The following JHY variants were observed in gnomAD, a reference collection of about 807,000 sequenced individuals.
The protein encoded by JHY is junctional cadherin complex regulator, also known as jhy protein homolog.
JHY carries 69 observed loss-of-function variants against 78.0 expected under a neutral mutation model. The observed-to-expected ratio is 0.88, with a 90% CI of 0.73 to 1.08. The LOEUF (loss-of-function observed/expected upper bound fraction) is 1.08, where lower values mean the gene tolerates loss of function less well. Among genes scored for constraint, JHY ranks in the 50% least tolerant of loss-of-function variants. JHY has a pLI of 0.00. For missense variants in JHY, 944 were observed against 927.8 expected (o/e 1.02, Z -0.23); for synonymous variants, 368 against 342.6 (o/e 1.07, Z -0.82).
At chr11:122,884,974 ATTT>A (rs11314367) in intron 1 of JHY, among the ~76,000 whole-genome samples, 2 of 131,764 alleles carry the variant, frequency 1.5e-5, no homozygotes. Context: ...AATTTTTTGT[ATTT>A]TTTTTTTTTT....
In JHY at chr11:122,959,253, G is replaced by T; in HGVS notation, c.2145G>T (p.Leu715Phe). The T allele has an allele frequency of 6.2e-7, 1 of 1,613,464 alleles. No individual in the cohort carries two copies. The highest frequency in any genetic ancestry group is 8.5e-7 in the Non-Finnish European group (1 of 1,179,850). Reference protein sequence around the residue: ...KKSAIPRQKALEYAKTIPKPK... With the variant: ...KKSAIPRQKAFEYAKTIPKPK... ...TTTCATCTTTATGCGTTTAGGCTTT[G>T]GAATACGCTAAGACCATCCCCAAAC... The change falls in exon 9 of 9, where the codon TTG becomes TTT. Residue 715 changes from leucine to phenylalanine, a missense_variant. Leu to Phe is a conservative substitution (Grantham distance 22). Coordinates refer to ENST00000227349, the MANE Select transcript of JHY (RefSeq NM_024806.4).
intron 6 of JHY, among the ~76,000 whole-genome samples, chr11:122,954,468 A>AGT (rs1300542951): frequency 6.6e-6 from 1 of 152,250 alleles, no homozygotes; most frequent in East Asian, 1.9e-4. Context: ...TGGTTGATAC[A>AGT]GTGTGTTTAC....
At chr11:122,891,697 A>C (rs1352703993) in intron 2 of JHY, among the ~76,000 whole-genome samples, 1 of 152,148 alleles carries the variant, frequency 6.6e-6, no homozygotes, top group Admixed American at 6.6e-5. Context: ...ATACAATCTC[A>C]TTTATCCTTA....
At chr11:122,932,186 A>G (rs1863650590) in intron 4 of JHY, among the ~76,000 whole-genome samples, 1 of 152,198 alleles carries the variant, frequency 6.6e-6, no homozygotes, top group Admixed American at 6.5e-5. Flanking sequence ...ATTGTAGGGT[A>G]ATAAATCTTC....
Position 122,935,678 on chromosome 11 carries a change from T to C in JHY, c.1634+603T>C, listed in dbSNP as rs1863738534. ...TGTGTTTGGGGGTTGCAAGTAATGTTTGGAGGAAACAAATGATCTTCAACA... is the reference window on the plus strand; with the variant it reads ...TGTGTTTGGGGGTTGCAAGTAATGTCTGGAGGAAACAAATGATCTTCAACA... On this transcript the variant is annotated intron_variant, in intron 5 of 8. Coordinates refer to ENST00000227349, the MANE Select transcript of JHY (RefSeq NM_024806.4). The surrounding 1 kb of genome is among the most constrained non-coding windows in gnomAD (Gnocchi z 4.5). Among the ~76,000 whole-genome samples the C allele has an allele frequency of 6.6e-6, 1 of 152,262 alleles. No homozygotes were observed. Among genetic ancestry groups the C allele is most frequent in the African/African-American group, 2.4e-5 (1 of 41,546 alleles).
chr11:122,958,804 T>G lies in JHY; in HGVS notation c.2140-444T>G, dbSNP rs1864245483. ...AGATCCTAGGAACAAGAATAGCTGG[T>G]ATAATGATGGGAGCTCAAGTGTATG... On this transcript the variant is annotated intron_variant, in intron 8 of 8. Coordinates refer to ENST00000227349, the MANE Select transcript of JHY (RefSeq NM_024806.4). 3.0e-6 allele frequency: 3 copies of G among 984,792 alleles called. No homozygotes were observed. In the South Asian group the frequency reaches 1.4e-4, roughly 46 times the overall value. 61.0% of individuals were successfully genotyped at this position (984,792 alleles called of 1,614,324 possible). A position where few individuals can be genotyped will look rare whatever the true frequency, so the allele number is the denominator to read the frequency against.
intron 5 of JHY, among the ~76,000 whole-genome samples, chr11:122,942,800 T>C (rs1863900494): frequency 1.3e-5 from 2 of 152,240 alleles, no homozygotes; most frequent in Admixed American, 1.3e-4. Flanking sequence ...AAATTATAAA[T>C]GTTCCTCTAA....
In JHY at chr11:122,962,282, G is replaced by A. The variant is rs546093368; in HGVS notation, c.*2837G>A. Among the ~76,000 whole-genome samples, 9 of 144,890 alleles carry A rather than the reference G, an allele frequency of 6.2e-5. No individual in the cohort carries two copies. The South Asian group carries it at 6.6e-4, about 11-fold the overall frequency. The stretch of plus-strand genomic sequence containing the variant: ...TTGGGGAAAATCTGTTTATCTATAC[G>A]TGTGGTGTAAGGACTAGCTTTGGAA... On this transcript the variant is annotated 3_prime_UTR_variant, in exon 9 of 9. Transcript: ENST00000227349.
At chr11:122,909,783 A>G (rs1454366696) in intron 3 of JHY, among the ~76,000 whole-genome samples, 3 of 152,090 alleles carry the variant, frequency 2.0e-5, no homozygotes, top group Non-Finnish European at 2.9e-5. Flanking sequence ...CATCTCAAAA[A>G]AATAAATTAA....
At chr11:122,940,545 G>T (rs925109233) in intron 5 of JHY, among the ~76,000 whole-genome samples, 1 of 152,086 alleles carries the variant, frequency 6.6e-6, no homozygotes, top group Non-Finnish European at 1.5e-5. Context: ...CATATTATTG[G>T]TGATGCTAAG....
chr11:122,907,611 A>C (rs142916179), intron 3 of JHY, among the ~76,000 whole-genome samples: 1,709 of 152,170 alleles, frequency 0.011, 41 homozygotes, highest in African/African-American at 0.036. Context: ...TTGGGAGGCC[A>C]AGGCGGGCAG....
In JHY at chr11:122,959,281, A is replaced by C. The variant is rs1864256831; in HGVS notation, c.2173A>C (p.Lys725Gln). 1.9e-6 allele frequency: 3 copies of C among 1,614,066 alleles called. No individual in the cohort carries two copies. The highest frequency in any genetic ancestry group is 2.5e-6 in the Non-Finnish European group (3 of 1,180,042). ...LEYAKTIPKP[K>Q]PSNLTHQASK... The stretch of plus-strand genomic sequence containing the variant: ...ATACGCTAAGACCATCCCCAAACCC[A>C]AACCATCAAATCTGACTCATCAAGC... The change falls in exon 9 of 9, where the codon AAA becomes CAA. Residue 725 changes from lysine to glutamine, a missense_variant. By Grantham distance (53) the Lys-to-Gln change is moderately conservative. Coordinates refer to ENST00000227349, the MANE Select transcript of JHY (RefSeq NM_024806.4).
chr11:122,929,485 G>A (rs1429224896), intron 4 of JHY, among the ~76,000 whole-genome samples: 2 of 152,150 alleles, frequency 1.3e-5, no homozygotes, highest in Non-Finnish European at 1.5e-5. Context: ...GAGGAACCAT[G>A]ACAGCTCTGG....
At position 122,934,581 on chromosome 11, in the gene JHY, A is replaced by G. The variant is rs763703257; in HGVS notation, c.1140A>G (p.Thr380=). The G allele has an allele frequency of 5.0e-6, 8 of 1,614,016 alleles. No homozygotes were observed. The African/African-American group carries it at 9.3e-5, about 19-fold the overall frequency. ...ACCAGAATGGCCTGAAGTCTTCCACAACGGAAGAGGTGACTGCCAGTCAGG... is the reference window on the plus strand; with the variant it reads ...ACCAGAATGGCCTGAAGTCTTCCACGACGGAAGAGGTGACTGCCAGTCAGG... ...CKHQNGLKSS[T]TEEVTASQGN... The change falls in exon 5 of 9, where the codon ACA becomes ACG. Residue 380 remains threonine, a synonymous_variant. Transcript: ENST00000227349.
chr11:122,892,734 G>A (rs940264601), intron 2 of JHY, among the ~76,000 whole-genome samples: 4 of 152,150 alleles, frequency 2.6e-5, no homozygotes, highest in Non-Finnish European at 4.4e-5. Context: ...GACTTCTAGG[G>A]CTTGAAGAGT....
chr11:122,911,892 C>T lies in JHY; in HGVS notation c.864+7448C>T, dbSNP rs147140707. 4.9e-3 allele frequency among the ~76,000 whole-genome samples: 436 copies of T among 88,612 alleles called. 2 individuals carry two copies. In the Middle Eastern group the frequency reaches 0.071, roughly 15 times the overall value. 58.1% of individuals were successfully genotyped at this position (88,612 alleles called of 152,430 possible). ...TACACTCCAGCCAGGGCAAGAAGAGCGAAACTCTGTCTCAAAAAAAAAAAA... is the reference window on the plus strand; with the variant it reads ...TACACTCCAGCCAGGGCAAGAAGAGTGAAACTCTGTCTCAAAAAAAAAAAA... On this transcript the variant is annotated intron_variant, in intron 3 of 8. Transcript: ENST00000227349.
chr11:122,903,148 C>T (rs2135305635), intron 2 of JHY, among the ~76,000 whole-genome samples: 1 of 152,272 alleles, frequency 6.6e-6, no homozygotes, highest in African/African-American at 2.4e-5. Flanking sequence ...GGACCTCAGT[C>T]GTATATGTGG....
chr11:122,901,753 G>T (rs943621706), intron 2 of JHY, among the ~76,000 whole-genome samples: 24 of 151,582 alleles, frequency 1.6e-4, no homozygotes, highest in African/African-American at 4.9e-4. Flanking sequence ...GGTGCCTGTA[G>T]TCCCAGCTAC....
chr11:122,899,322 C>A (rs1862797181), intron 2 of JHY, among the ~76,000 whole-genome samples: 1 of 152,052 alleles, frequency 6.6e-6, no homozygotes, highest in Non-Finnish European at 1.5e-5. Context: ...TAGCACCTTT[C>A]TTTACAAAAA....
Sources: allele counts gnomAD v4.1 joint callset (sites outside exome capture counted in the v4.1 genomes callset), GRCh38; gene constraint gnomAD v4.1.1; non-coding constraint Gnocchi (gnomAD v3.1); transcripts MANE v1.5; gene names NCBI Gene and HGNC (gene_info 2026-07-23, HGNC 2026-07-21).